Variants in OCIAD2 observed in about 807,000 individuals in gnomAD.
The protein encoded by OCIAD2 is OCIA domain containing 2.
Under a neutral mutation model 22.9 loss-of-function variants are expected in OCIAD2, and 29 were observed. That is an observed-to-expected ratio of 1.27 (90% CI 0.94 to 1.73). The LOEUF is 1.73. Ranked by LOEUF, OCIAD2 falls within the 40% of genes most tolerant of loss-of-function variation. OCIAD2 has a pLI of 0.00. For missense variants in OCIAD2, 189 were observed against 180.3 expected, an observed-to-expected ratio of 1.05 and a Z score of -0.28; for synonymous variants, 67 against 60.2, an observed-to-expected ratio of 1.11 and a Z score of -0.52.
intron 5 of OCIAD2, chr4:48,893,581 A>T (rs1248189835): frequency 6.5e-6 from 1 of 153,114 alleles, no homozygotes; most frequent in Non-Finnish European, 1.5e-5. Context: ...AAAAATCCAT[A>T]AATGATCTAT....
At chr4:48,891,615 T>C (rs1435024134) in intron 6 of OCIAD2, among the ~76,000 whole-genome samples, 1 of 152,242 alleles carries the variant, frequency 6.6e-6, no homozygotes, top group Non-Finnish European at 1.5e-5. Flanking sequence ...AAGACACTCC[T>C]GAAATTGAAG....
intron 6 of OCIAD2, 73 bp from the exon 7 acceptor site, chr4:48,885,638 A>G (rs1357096263): frequency 3.9e-6 from 3 of 778,722 alleles, no homozygotes; most frequent in Non-Finnish European, 6.7e-6. Flanking sequence ...ATAACATATT[A>G]TTCTTATTAT....
chr4:48,903,285 C>G (rs1367078059), intron 2 of OCIAD2, among the ~76,000 whole-genome samples: 1 of 152,142 alleles, frequency 6.6e-6, no homozygotes, highest in Admixed American at 6.5e-5. Context: ...ATAAAGGACT[C>G]TGCCACCCTG....
At chr4:48,900,617 G>T (rs752593685) in intron 2 of OCIAD2, among the ~76,000 whole-genome samples, 1 of 147,486 alleles carries the variant, frequency 6.8e-6, no homozygotes, top group African/African-American at 2.5e-5. Flanking sequence ...ATCGTTGTGG[G>T]TACATAGTAG....
rs572170807 is a variant in OCIAD2, at chr4:48,897,660, G to C, written c.217+144C>G. ...GATTAGGATGCTTTCTGGGGAGATG[G>C]GGACTTAGGCTGAAAATAGGCAGAA... is the stretch of plus-strand genomic sequence containing the variant. On this transcript the variant is annotated intron_variant, in intron 4 of 6. Transcript: ENST00000508632. The C allele has an allele frequency of 1.7e-4, 125 of 717,812 alleles. No homozygotes were observed. The African/African-American group carries it at 2.0e-3, about 12-fold the overall frequency. The allele number at this position is 717,812 out of a possible 1,614,324, so 44.5% of individuals were successfully genotyped here.
intron 1 of OCIAD2, among the ~76,000 whole-genome samples, chr4:48,906,035 G>A (rs746106247): frequency 5.3e-5 from 8 of 152,204 alleles, no homozygotes; most frequent in Non-Finnish European, 1.2e-4. Context: ...AGCACTCCCA[G>A]GAAGTCTTTG....
At chr4:48,893,097 G>C in intron 5 of OCIAD2, 1 of 387,882 alleles carries the variant, frequency 2.6e-6, no homozygotes, top group Non-Finnish European at 4.6e-6. Context: ...GTGGTGGAAG[G>C]GCCAGGACAG....
chr4:48,893,891 A>G (rs1006043978), intron 5 of OCIAD2, 115 bp downstream of exon 5: 3 of 471,154 alleles, frequency 6.4e-6, no homozygotes, highest in African/African-American at 4.0e-5. Context: ...CATGCTGCCC[A>G]GGCTGGTCTC....
intron 1 of OCIAD2, among the ~76,000 whole-genome samples, chr4:48,904,849 T>C (rs1781493461): frequency 6.6e-6 from 1 of 152,216 alleles, no homozygotes; most frequent in Non-Finnish European, 1.5e-5. Flanking sequence ...TGAGTGTCGA[T>C]TATGTGCCAG....
intron 1 of OCIAD2, among the ~76,000 whole-genome samples, chr4:48,904,985 A>C (rs561728600): frequency 6.6e-6 from 1 of 152,314 alleles, no homozygotes; most frequent in South Asian, 2.1e-4. Context: ...TAAGGAAGAA[A>C]AGAAAGCAGG....
intron 2 of OCIAD2, among the ~76,000 whole-genome samples, chr4:48,903,497 A>T (rs1225575741): frequency 6.6e-6 from 1 of 152,106 alleles, no homozygotes; most frequent in Non-Finnish European, 1.5e-5. Context: ...AGGATAAATA[A>T]AAATAAATAA....
chr4:48,887,254 T>A lies in OCIAD2; in HGVS notation c.384-1689A>T, dbSNP rs374398963. 2.0e-4 allele frequency among the ~76,000 whole-genome samples: 30 copies of A among 152,292 alleles called. No individual in the cohort carries two copies. In the East Asian group the frequency reaches 5.2e-3, roughly 26 times the overall value. On this transcript the variant is annotated intron_variant, in intron 6 of 6. Coordinates refer to ENST00000508632, the MANE Select transcript of OCIAD2 (RefSeq NM_001014446.3). ...GGATATTAGCCCTTTGTCAGATGAGTAGGTTGCAAAAATTTTCTCCCATTC... is the reference window on the plus strand; with the variant it reads ...GGATATTAGCCCTTTGTCAGATGAGAAGGTTGCAAAAATTTTCTCCCATTC...
intron 1 of OCIAD2, 171 bp from the exon 2 acceptor site, chr4:48,904,782 A>G: frequency 1.7e-6 from 1 of 596,184 alleles, no homozygotes; most frequent in East Asian, 2.8e-5. Context: ...ACATACATGC[A>G]CTCACTAATG....
At position 48,906,745 on chromosome 4, in the gene OCIAD2, C is replaced by T. The variant is rs1781539085; in HGVS notation, c.-150G>A. On this transcript the variant is annotated 5_prime_UTR_variant, in exon 1 of 7. Transcript: ENST00000508632. ...CCCCCGTGACTGCACCGCCGGCCCG[C>T]TCCAGCTTCCCGAGTACCCCACCTG... 6.5e-6 allele frequency: 1 copy of T among 153,586 alleles called. No individual in the cohort carries two copies. The highest frequency in any genetic ancestry group is 2.1e-4 in the South Asian group (1 of 4,850). 9.5% of individuals were successfully genotyped at this position (153,586 alleles called of 1,614,324 possible). A position where few individuals can be genotyped will look rare whatever the true frequency, so the allele number is the denominator to read the frequency against.
chr4:48,888,174 G>C (rs1781047978), intron 6 of OCIAD2, among the ~76,000 whole-genome samples: 1 of 152,106 alleles, frequency 6.6e-6, no homozygotes, highest in Non-Finnish European at 1.5e-5. Flanking sequence ...TGTGATTTTT[G>C]CACATTGATT....
intron 2 of OCIAD2, among the ~76,000 whole-genome samples, chr4:48,901,793 A>T (rs1308781034): frequency 6.6e-6 from 1 of 151,952 alleles, no homozygotes; most frequent in Non-Finnish European, 1.5e-5. Context: ...CCCAGGCTGG[A>T]GTATAGTGGT....
At position 48,904,530 on chromosome 4, in the gene OCIAD2, C is replaced by T. The variant is rs144951718; in HGVS notation, c.20G>A (p.Arg7His). 6.1e-5 allele frequency: 98 copies of T among 1,614,062 alleles called. No individual in the cohort carries two copies. Among genetic ancestry groups the T allele is most frequent in the South Asian group, 1.9e-4 (17 of 91,074 alleles). ...ATGGGCATCTTTATCTTGGTTTCCA[C>T]GAGCAGACGCTGAAGCCATGATGAC... MASASA[R>H]GNQDKDAHFP... is the part of the protein sequence containing the mutation. Residue 7 changes from arginine (R) to histidine (H), a missense_variant, in exon 2 of 7, where the codon CGT becomes CAT. Transcript: ENST00000508632.
At chr4:48,887,137 T>C (rs1220695251) in intron 6 of OCIAD2, among the ~76,000 whole-genome samples, 17 of 152,248 alleles carry the variant, frequency 1.1e-4, no homozygotes, top group Non-Finnish European at 2.2e-4. Context: ...CATAAATGTC[T>C]TCTTTTGAGA....
chr4:48,892,842 C>CATA lies in OCIAD2; in HGVS notation c.312_313insTAT (p.Gly104_Val105insTyr), dbSNP rs754927106. ...AAAAAATGGAATTTACTCTGGCATACTCCTATGTATGATACCTTTCCAAGG... is the reference window on the plus strand; with the variant it reads ...AAAAAATGGAATTTACTCTGGCATACATATCCTATGTATGATACCTTTCCAAGG... On this transcript the variant is annotated inframe_insertion, in exon 6 of 7. Coordinates refer to ENST00000508632, the MANE Select transcript of OCIAD2 (RefSeq NM_001014446.3). 14 of 1,612,740 alleles carry CATA rather than the reference C, an allele frequency of 8.7e-6. No individual in the cohort carries two copies. The highest frequency in any genetic ancestry group is 1.7e-6 in the Non-Finnish European group (2 of 1,179,324).
Sources: allele counts gnomAD v4.1 joint callset (sites outside exome capture counted in the v4.1 genomes callset), GRCh38; gene constraint gnomAD v4.1.1; transcripts MANE v1.5; gene names NCBI Gene and HGNC (gene_info 2026-07-23, HGNC 2026-07-21).